The following SNX20 variants were observed in gnomAD, a reference collection of about 807,000 sequenced individuals.
SNX20 encodes the protein sorting nexin-20.
SNX20 carries 21 observed loss-of-function variants against 24.5 expected under a neutral mutation model. That is an observed-to-expected ratio of 0.86 (90% CI 0.61 to 1.23). The LOEUF is 1.23. SNX20 is among the 50% of genes most tolerant of loss of function. The pLI is 0.00. For missense variants in SNX20, 433 were observed against 430.8 expected, an observed-to-expected ratio of 1.00 and a Z score of -0.04; for synonymous variants, 206 against 192.8, an observed-to-expected ratio of 1.07 and a Z score of -0.57.
chr16:50,671,641 A>G lies in SNX20; in HGVS notation c.*1765T>C, dbSNP rs1963052715. 6.6e-6 allele frequency: 1 copy of G among 152,220 alleles called. No individual in the cohort carries two copies. Among genetic ancestry groups the G allele is most frequent in the Admixed American group, 6.5e-5 (1 of 15,280 alleles). The allele number at this position is 152,220 out of a possible 1,614,324, so 9.4% of individuals were successfully genotyped here. ...TCAATATCATCTGTTTCATCATTACAAATAGACTCATAGCTCTTTAATTTT... is the reference window on the plus strand; with the variant it reads ...TCAATATCATCTGTTTCATCATTACGAATAGACTCATAGCTCTTTAATTTT... On this transcript the variant is annotated 3_prime_UTR_variant, in exon 4 of 4. Coordinates refer to ENST00000330943, the MANE Select transcript of SNX20 (RefSeq NM_182854.4).
downstream of SNX20, chr16:50,666,673 A>T (rs1306766551): frequency 1.3e-5 from 2 of 152,330 alleles, no homozygotes; most frequent in African/African-American, 4.8e-5. Context: ...GTCTGCCCTG[A>T]TGGGTGAGCT....
chr16:50,678,157 A>G (rs1224914138), intron 1 of SNX20, among the ~76,000 whole-genome samples: 1 of 152,192 alleles, frequency 6.6e-6, no homozygotes, highest in Non-Finnish European at 1.5e-5. Context: ...AGCTATGATG[A>G]TGCCACTGCA....
At chr16:50,678,329 A>T (rs879735827) in intron 1 of SNX20, among the ~76,000 whole-genome samples, 1 of 152,242 alleles carries the variant, frequency 6.6e-6, no homozygotes, top group Non-Finnish European at 1.5e-5. Flanking sequence ...CTTCATACCC[A>T]TCTAGGTTCT....
chr16:50,676,235 A>G (rs1963180015), intron 2 of SNX20, among the ~76,000 whole-genome samples: 1 of 151,624 alleles, frequency 6.6e-6, no homozygotes, highest in Non-Finnish European at 1.5e-5. Flanking sequence ...CCATGGTGAA[A>G]TCCCTGCTCT....
At chr16:50,674,141 A>G in intron 3 of SNX20, 67 bp from the exon 4 acceptor site, 2 of 1,507,022 alleles carry the variant, frequency 1.3e-6, no homozygotes, top group Non-Finnish European at 8.8e-7. Context: ...GAGCACACCC[A>G]GAGTAAAGTT....
chr16:50,668,152 G>A, downstream of SNX20: 2 of 1,544,754 alleles, frequency 1.3e-6, no homozygotes, highest in Non-Finnish European at 1.7e-6. Flanking sequence ...GGAAACCAGG[G>A]AGCAAAGTCT....
Position 50,673,546 on chromosome 16 carries a change from C to T in SNX20, c.811G>A (p.Asp271Asn). 6.2e-7 allele frequency: 1 copy of T among 1,608,624 alleles called. No homozygotes were observed. Among genetic ancestry groups the T allele is most frequent in the Non-Finnish European group, 8.5e-7 (1 of 1,179,056 alleles). Residue 271 changes from aspartate to asparagine, a missense_variant, in exon 4 of 4, where the codon GAC becomes AAC. Transcript: ENST00000330943. This position sits in a 1 kb window ranked among gnomAD's most constrained non-coding sequence, Gnocchi z 4.1. ...GCGTAGGCCAGGCGGACCATGGCGT[C>T]CAGCAGAGGCGCATAGTAGCGATGG... is the stretch of plus-strand genomic sequence containing the variant. ...EGHRYYAPLL[D>N]AMVRLAYALG...
downstream of SNX20, chr16:50,667,860 G>T: frequency 1.4e-6 from 1 of 733,632 alleles, no homozygotes; most frequent in Non-Finnish European, 2.3e-6. Context: ...TGACAGATGA[G>T]GGCTCGGCGT....
In SNX20 at chr16:50,673,711, C is replaced by T; in HGVS notation, c.646G>A (p.Glu216Lys). ...GCAGGGCAGTGGGCGGTGAGCTTCT[C>T]CTGCAGCGGCAGCACGCGCAGCAGC... is the stretch of plus-strand genomic sequence containing the variant. ...ELLLRVLPLQ[E>K]KLTAHCPAAA... The change falls in exon 4 of 4, where the codon GAG (glutamate) becomes AAG (lysine). Residue 216 changes from glutamate (E) to lysine (K), a missense_variant. By Grantham distance (56) the Glu-to-Lys change is moderately conservative. Transcript: ENST00000330943. This position sits in a 1 kb window ranked among gnomAD's most constrained non-coding sequence, Gnocchi z 4.1. The T allele has an allele frequency of 6.7e-7, 1 of 1,500,406 alleles. No individual in the cohort carries two copies. Among genetic ancestry groups the T allele is most frequent in the Non-Finnish European group, 8.8e-7 (1 of 1,133,032 alleles). 92.9% of individuals were successfully genotyped at this position (1,500,406 alleles called of 1,614,324 possible). A position where few individuals can be genotyped will look rare whatever the true frequency, so the allele number is the denominator to read the frequency against.
downstream of SNX20, chr16:50,668,717 G>A (rs1962972748): frequency 9.2e-7 from 1 of 1,091,632 alleles, no homozygotes; most frequent in Non-Finnish European, 1.1e-6. Context: ...GCTGGGCACA[G>A]CTTGGCTTTT....
At chr16:50,668,085 G>T (rs1435114443), downstream of SNX20, 3 of 1,551,526 alleles carry the variant, frequency 1.9e-6, no homozygotes, top group Non-Finnish European at 2.6e-6. Flanking sequence ...GCTGAAACCA[G>T]GCCCACGACT....
intron 3 of SNX20, among the ~76,000 whole-genome samples, chr16:50,674,722 G>T (rs1963144948): frequency 6.6e-6 from 1 of 152,208 alleles, no homozygotes; most frequent in African/African-American, 2.4e-5. Context: ...CTGAGATGCT[G>T]TGTTTTCCAA....
chr16:50,672,358 G>A lies in SNX20; in HGVS notation c.*1048C>T, dbSNP rs1963068489. On this transcript the variant is annotated 3_prime_UTR_variant, in exon 4 of 4. Transcript: ENST00000330943. ...GAATGAAAATCCACCCCTAGACAAT[G>A]TGCTATGCCATCCCAGCCAGAAAAA... 2 of 152,204 alleles carry A rather than the reference G, an allele frequency of 1.3e-5. No homozygotes were observed. The highest frequency in any genetic ancestry group is 2.9e-5 in the Non-Finnish European group (2 of 68,044). 9.4% of individuals were successfully genotyped at this position (152,204 alleles called of 1,614,324 possible). A position where few individuals can be genotyped will look rare whatever the true frequency, so the allele number is the denominator to read the frequency against.
Position 50,673,980 on chromosome 16 carries a change from G to A in SNX20, c.377C>T (p.Ala126Val), listed in dbSNP as rs770462562. 6.2e-7 allele frequency: 1 copy of A among 1,612,996 alleles called. No individual in the cohort carries two copies. The highest frequency in any genetic ancestry group is 8.5e-7 in the Non-Finnish European group (1 of 1,179,600). ...RYSDFAKLQK[A>V]LLKTFREEIE... The stretch of plus-strand genomic sequence containing the variant: ...CTCCTCCCTGAACGTCTTCAGCAGC[G>A]CTTTCTGGAGCTTCGCGAAGTCGGA... The change falls in exon 4 of 4, where the codon GCG becomes GTG. Residue 126 changes from alanine to valine, a missense_variant. Coordinates refer to ENST00000330943, the MANE Select transcript of SNX20 (RefSeq NM_182854.4). The surrounding 1 kb of genome is among the most constrained non-coding windows in gnomAD (Gnocchi z 4.1).
At chr16:50,675,649 G>T in intron 3 of SNX20, 121 bp downstream of exon 3, 2 of 1,265,504 alleles carry the variant, frequency 1.6e-6, no homozygotes, top group African/African-American at 1.5e-5. Flanking sequence ...CCAGAAGAAA[G>T]CTGTGAGTTA....
In SNX20 at chr16:50,673,071, G is replaced by A. The variant is rs745727385; in HGVS notation, c.*335C>T. The A allele has an allele frequency of 5.2e-6, 1 of 190,646 alleles. No individual in the cohort carries two copies. The highest frequency in any genetic ancestry group is 2.0e-3 in the Middle Eastern group (1 of 502). 11.8% of individuals were successfully genotyped at this position (190,646 alleles called of 1,614,324 possible). On this transcript the variant is annotated 3_prime_UTR_variant, in exon 4 of 4. Coordinates refer to ENST00000330943, the MANE Select transcript of SNX20 (RefSeq NM_182854.4). This position sits in a 1 kb window ranked among gnomAD's most constrained non-coding sequence, Gnocchi z 4.1. ...TAACCCCAGTGTTTTGGGAAGCTGA[G>A]GCAGGAAGATCATTTAAGGTCAGAA...
At chr16:50,668,772 C>G (rs1031757646), downstream of SNX20, 1 of 1,201,170 alleles carries the variant, frequency 8.3e-7, no homozygotes, top group Non-Finnish European at 1.0e-6. Context: ...AGCCAACCTA[C>G]CCCTACCAGC....
At position 50,673,544 on chromosome 16, in the gene SNX20, G is replaced by A. The variant is rs750413433; in HGVS notation, c.813C>T (p.Asp271=). 8 of 1,608,620 alleles carry A rather than the reference G, an allele frequency of 5.0e-6. No homozygotes were observed. The highest frequency in any genetic ancestry group is 6.8e-6 in the Non-Finnish European group (8 of 1,179,028). The change falls in exon 4 of 4, where the codon GAC becomes GAT. Residue 271 remains aspartate, a synonymous_variant. Transcript: ENST00000330943. This position sits in a 1 kb window ranked among gnomAD's most constrained non-coding sequence, Gnocchi z 4.1. ...EGHRYYAPLL[D]AMVRLAYALG... ...GCGCGTAGGCCAGGCGGACCATGGC[G>A]TCCAGCAGAGGCGCATAGTAGCGAT... is the stretch of plus-strand genomic sequence containing the variant.
At chr16:50,667,699 T>G (rs1167143387), downstream of SNX20, 1 of 388,062 alleles carries the variant, frequency 2.6e-6, no homozygotes, top group Non-Finnish European at 4.7e-6. Context: ...TACCAGCAGG[T>G]GGAACTAGTT....
Sources: allele counts gnomAD v4.1 joint callset (sites outside exome capture counted in the v4.1 genomes callset), GRCh38; gene constraint gnomAD v4.1.1; non-coding constraint Gnocchi (gnomAD v3.1); transcripts MANE v1.5; gene names NCBI Gene and HGNC (gene_info 2026-07-23, HGNC 2026-07-21).